MLLT6: variants seen among roughly 807,000 people sequenced by gnomAD.
MLLT6 encodes MLLT6, PHD finger containing, also known as protein AF-17.
A neutral mutation model predicts 103.0 loss-of-function variants in MLLT6; 22 were observed. The observed-to-expected ratio is 0.21, with a 90% confidence interval of 0.15 to 0.31. The LOEUF is 0.31. MLLT6 is among the 10% of genes least tolerant of loss of function. The pLI is 1.00. For missense variants in MLLT6, 1,199 were observed against 1,441.7 expected (o/e 0.83, Z 2.73); for synonymous variants, 606 against 623.5 (o/e 0.97, Z 0.42).
chr17:38,715,134 G>C (rs1597994312), intron 8 of MLLT6, among the ~76,000 whole-genome samples: 1 of 152,290 alleles, frequency 6.6e-6, no homozygotes, highest in South Asian at 2.1e-4. Context: ...TCAGAGAATG[G>C]GTGGAAAGCC....
In MLLT6 at chr17:38,707,074, C is replaced by T. The variant is rs1555621892; in HGVS notation, c.189+45C>T. 1.5e-5 allele frequency: 23 copies of T among 1,534,896 alleles called. No homozygotes were observed. The East Asian group carries it at 5.3e-4, about 35-fold the overall frequency. The stretch of plus-strand genomic sequence containing the variant: ...TCTCCACTCCCCTGCCCCTCCCACA[C>T]ACCTGAGCGTCTCAGGTTGAGCTAG... On this transcript the variant is annotated intron_variant, in intron 2 of 19. Coordinates refer to ENST00000621332, the MANE Select transcript of MLLT6 (RefSeq NM_005937.4).
chr17:38,721,948 C>G lies in MLLT6; in HGVS notation c.2513C>G (p.Pro838Arg). The change falls in exon 17 of 20, where the codon CCC becomes CGC. Residue 838 changes from proline to arginine, a missense_variant. Around this residue, in one of 7 missense-constraint regions of MLLT6, gnomAD observed 1,034 missense variants for 1,091.5 expected, o/e 0.95. Transcript: ENST00000621332. ...LSFHSTPPPL[P>R]LLQQSPATLP... ...TTCCACAGCACGCCCCCACCGCTGC[C>G]CCTCCTCCAGCAGAGCCCTGCCACT... 6.5e-7 allele frequency: 1 copy of G among 1,530,482 alleles called. No homozygotes were observed. The highest frequency in any genetic ancestry group is 8.7e-7 in the Non-Finnish European group (1 of 1,144,758). The allele number at this position is 1,530,482 out of a possible 1,614,324, so 94.8% of individuals were successfully genotyped here. A position where few individuals can be genotyped will look rare whatever the true frequency, so the allele number is the denominator to read the frequency against.
Position 38,719,839 on chromosome 17 carries a change from C to A in MLLT6, c.2099C>A (p.Thr700Lys), listed in dbSNP as rs1286456118. The part of the protein sequence containing the change: ...GGQLDPAAPG[T>K]TNMEQLLEKQ... ...CAGTTAGACCCGGCGGCCCCAGGGA[C>A]GACTAACATGGAGCAGCTTCTGGAG... The change falls in exon 14 of 20, where the codon ACG becomes AAG. Residue 700 changes from threonine (T) to lysine (K), a missense_variant. By Grantham distance (78) the Thr-to-Lys change is moderately conservative. Transcript: ENST00000621332. 1 of 1,611,748 alleles carries A rather than the reference C, an allele frequency of 6.2e-7. No individual in the cohort carries two copies. The highest frequency in any genetic ancestry group is 1.1e-5 in the South Asian group (1 of 90,642).
chr17:38,709,627 G>A lies in MLLT6; in HGVS notation c.552+52G>A, dbSNP rs1365650994. ...CGGGTCAGTCAGCTGTGGTAAGATGGTTAGAGGGCATGGGCTCTGGGCCAG... is the reference window on the plus strand; with the variant it reads ...CGGGTCAGTCAGCTGTGGTAAGATGATTAGAGGGCATGGGCTCTGGGCCAG... On this transcript the variant is annotated intron_variant, in intron 6 of 19. Transcript: ENST00000621332. The surrounding 1 kb of genome is among the most constrained non-coding windows in gnomAD (Gnocchi z 4.3). 2.1e-6 allele frequency: 3 copies of A among 1,446,508 alleles called. No homozygotes were observed. Among genetic ancestry groups the A allele is most frequent in the Middle Eastern group, 3.5e-4 (2 of 5,766 alleles). The allele number at this position is 1,446,508 out of a possible 1,614,324, so 89.6% of individuals were successfully genotyped here.
In MLLT6 at chr17:38,709,440, G is replaced by C; in HGVS notation, c.459-42G>C. 1.3e-6 allele frequency: 2 copies of C among 1,561,346 alleles called. No homozygotes were observed. Among genetic ancestry groups the C allele is most frequent in the South Asian group, 2.2e-5 (2 of 90,036 alleles). On this transcript the variant is annotated intron_variant, in intron 5 of 19. Transcript: ENST00000621332. The surrounding 1 kb of genome is among the most constrained non-coding windows in gnomAD (Gnocchi z 4.3). ...AGGGTGAGAGGAAGGTGGCTCATGT[G>C]ATCTGTGGCCTCAGCCGTCTCAGGC...
Position 38,720,500 on chromosome 17 carries a change from C to G in MLLT6, c.2284C>G (p.Pro762Ala). 3 of 1,612,590 alleles carry G rather than the reference C, an allele frequency of 1.9e-6. No homozygotes were observed. Among genetic ancestry groups the G allele is most frequent in the Non-Finnish European group, 2.5e-6 (3 of 1,179,786 alleles). The stretch of plus-strand genomic sequence containing the variant: ...CAACGTGCAGCTCTCTGTGCCCTTC[C>G]CTGCCCTGCCTGCTGCCCTGCCTGC... ...ILNVQLSVPF[P>A]ALPAALPAAN... is the part of the protein sequence containing the mutation. Residue 762 changes from proline (P) to alanine (A), a missense_variant, in exon 15 of 20, where the codon CCT (proline) becomes GCT (alanine). By Grantham distance (27) the Pro-to-Ala change is conservative. This residue lies in a region of MLLT6 where 1,034 missense variants were observed against 1,091.5 expected (regional missense o/e 0.95). Coordinates refer to ENST00000621332, the MANE Select transcript of MLLT6 (RefSeq NM_005937.4).
Position 38,724,458 on chromosome 17 carries a change from C to T in MLLT6, c.2884-162C>T. Reference sequence around the variant, plus strand: ...ATTTTCTTGTCTAGATGGGGAGACCCAGGCTAAGTGGGAAATGCGAGACAG... The same window carrying T: ...ATTTTCTTGTCTAGATGGGGAGACCTAGGCTAAGTGGGAAATGCGAGACAG... On this transcript the variant is annotated intron_variant, in intron 18 of 19. Transcript: ENST00000621332. The surrounding 1 kb of genome is among the most constrained non-coding windows in gnomAD (Gnocchi z 5.4). 1 of 574,070 alleles carries T rather than the reference C, an allele frequency of 1.7e-6. No homozygotes were observed. The highest frequency in any genetic ancestry group is 3.4e-5 in the Admixed American group (1 of 29,032). The allele number at this position is 574,070 out of a possible 1,614,324, so 35.6% of individuals were successfully genotyped here. A position where few individuals can be genotyped will look rare whatever the true frequency, so the allele number is the denominator to read the frequency against.
At position 38,721,980 on chromosome 17, in the gene MLLT6, C is replaced by G. The variant is rs1905775245; in HGVS notation, c.2545C>G (p.Leu849Val). The change falls in exon 17 of 20, where the codon CTG (leucine) becomes GTG (valine). Residue 849 changes from leucine (L) to valine (V), a missense_variant. Leu to Val is a conservative substitution (Grantham distance 32). Coordinates refer to ENST00000621332, the MANE Select transcript of MLLT6 (RefSeq NM_005937.4). ...CCAGCAGAGCCCTGCCACTCTGCCC[C>G]TGGCCCTGCCTGGGGCCCCTGCCCC... ...LLQQSPATLP[L>V]ALPGAPAPLP... is the part of the protein sequence containing the mutation. 2.0e-6 allele frequency: 3 copies of G among 1,497,280 alleles called. No homozygotes were observed. Among genetic ancestry groups the G allele is most frequent in the Non-Finnish European group, 2.7e-6 (3 of 1,123,896 alleles). 92.7% of individuals were successfully genotyped at this position (1,497,280 alleles called of 1,614,324 possible). A position where few individuals can be genotyped will look rare whatever the true frequency, so the allele number is the denominator to read the frequency against.
At chr17:38,717,998 G>A (rs1304453709) in intron 12 of MLLT6, 45 bp downstream of exon 12, 3 of 1,373,480 alleles carry the variant, frequency 2.2e-6, no homozygotes, top group South Asian at 1.2e-5. Flanking sequence ...CCCAAAGGTC[G>A]GACACCCATC....
At position 38,719,581 on chromosome 17, in the gene MLLT6, C is replaced by A. The variant is rs761417197; in HGVS notation, c.2007C>A (p.Ser669=). The A allele has an allele frequency of 6.2e-7, 1 of 1,606,724 alleles. No individual in the cohort carries two copies. Among genetic ancestry groups the A allele is most frequent in the East Asian group, 2.2e-5 (1 of 44,742 alleles). ...RGTSPQESLS[S]MSPISSLPAL... ...CCTCCCCTCAGGAGAGTCTGTCTTC[C>A]ATGTGAGGGAAGGGGCAGCCTGGAG... Residue 669 remains serine (S), a splice_region_variant and synonymous_variant, in exon 13 of 20, where the codon TCC becomes TCA. Transcript: ENST00000621332.
At position 38,721,977 on chromosome 17, in the gene MLLT6, C is replaced by A. The variant is rs1415549200; in HGVS notation, c.2542C>A (p.Pro848Thr). ...PLLQQSPATLPLALPGAPAPL... is the reference protein window; with the variant it reads ...PLLQQSPATLTLALPGAPAPL... ...CCTCCAGCAGAGCCCTGCCACTCTG[C>A]CCCTGGCCCTGCCTGGGGCCCCTGC... The change falls in exon 17 of 20, where the codon CCC (proline) becomes ACC (threonine). Residue 848 changes from proline (P) to threonine (T), a missense_variant. This residue lies in a region of MLLT6 where 1,034 missense variants were observed against 1,091.5 expected (regional missense o/e 0.95). Coordinates refer to ENST00000621332, the MANE Select transcript of MLLT6 (RefSeq NM_005937.4). 5 of 1,500,854 alleles carry A rather than the reference C, an allele frequency of 3.3e-6. No individual in the cohort carries two copies. In the Admixed American group the frequency reaches 6.1e-5, roughly 18 times the overall value. The allele number at this position is 1,500,854 out of a possible 1,614,324, so 93.0% of individuals were successfully genotyped here. A position where few individuals can be genotyped will look rare whatever the true frequency, so the allele number is the denominator to read the frequency against.
chr17:38,715,952 G>A (rs1200385130), intron 9 of MLLT6, 124 bp downstream of exon 9: 4 of 884,408 alleles, frequency 4.5e-6, no homozygotes, highest in South Asian at 1.7e-5. Context: ...TCAGGATAAA[G>A]ATGGGGAATC....
In MLLT6 at chr17:38,709,249, G is replaced by C. The variant is rs1163559499; in HGVS notation, c.431G>C (p.Gly144Ala). The C allele has an allele frequency of 6.2e-7, 1 of 1,613,918 alleles. No individual in the cohort carries two copies. Among genetic ancestry groups the C allele is most frequent in the East Asian group, 2.2e-5 (1 of 44,882 alleles). ...GCCTGCATGACCTGTAACCGCCATG[G>C]ATGTCGACAAGCTTTCCACGTCACC... ...SGACMTCNRH[G>A]CRQAFHVTCA... The change falls in exon 5 of 20, where the codon GGA becomes GCA. Residue 144 changes from glycine to alanine, a missense_variant. Gly to Ala is a moderately conservative substitution (Grantham distance 60). Around this residue, in one of 7 missense-constraint regions of MLLT6, gnomAD observed 59 missense variants for 135.1 expected, o/e 0.44. Coordinates refer to ENST00000621332, the MANE Select transcript of MLLT6 (RefSeq NM_005937.4). The surrounding 1 kb of genome is among the most constrained non-coding windows in gnomAD (Gnocchi z 4.3).
At position 38,720,555 on chromosome 17, in the gene MLLT6, G is replaced by C. The variant is rs1471904002; in HGVS notation, c.2339G>C (p.Gly780Ala). 1 of 1,612,092 alleles carries C rather than the reference G, an allele frequency of 6.2e-7. No individual in the cohort carries two copies. The highest frequency in any genetic ancestry group is 1.1e-5 in the South Asian group (1 of 90,988). The change falls in exon 15 of 20, where the codon GGC (glycine) becomes GCC (alanine). Residue 780 changes from glycine to alanine, a missense_variant. Physicochemically the swap from Gly to Ala is moderately conservative, Grantham distance 60. This residue lies in a region of MLLT6 where 1,034 missense variants were observed against 1,091.5 expected (regional missense o/e 0.95). Transcript: ENST00000621332. ...AACGGCCCTGTCCCTGGGCCCTATG[G>C]CCTGCCTCCCCAAGGTGAGGGGATC... ...AANGPVPGPYGLPPQAGSSDS... is the reference protein window; with the variant it reads ...AANGPVPGPYALPPQAGSSDS...
At chr17:38,718,715 C>T (rs1905494714) in intron 12 of MLLT6, 1 of 152,158 alleles carries the variant, frequency 6.6e-6, no homozygotes, top group African/African-American at 2.4e-5. Context: ...TCAGCGCTTA[C>T]GGAGGTCTCA....
At chr17:38,722,534 G>C in intron 17 of MLLT6, 144 bp from the exon 18 acceptor site, 1 of 643,474 alleles carries the variant, frequency 1.6e-6, no homozygotes, top group Non-Finnish European at 2.8e-6. Flanking sequence ...CTATGAGCAC[G>C]GTGCTCTAAG....
Position 38,712,033 on chromosome 17 carries a change from C to T in MLLT6, c.720+19C>T, listed in dbSNP as rs755684902. 2 of 1,532,612 alleles carry T rather than the reference C, an allele frequency of 1.3e-6. No homozygotes were observed. The highest frequency in any genetic ancestry group is 4.1e-5 in the Admixed American group (2 of 48,934). 94.9% of individuals were successfully genotyped at this position (1,532,612 alleles called of 1,614,324 possible). On this transcript the variant is annotated intron_variant, in intron 7 of 19. Transcript: ENST00000621332. ...GAAGAAGGTAGAAGTCCTCCCCCAC[C>T]TGCCATCACTCCCACACGGGGACTT... is the stretch of plus-strand genomic sequence containing the variant.
rs1262758602 is a variant in MLLT6, at chr17:38,728,190, A to C, written c.*2592A>C. On this transcript the variant is annotated 3_prime_UTR_variant, in exon 20 of 20. Coordinates refer to ENST00000621332, the MANE Select transcript of MLLT6 (RefSeq NM_005937.4). ...GCCCTCTTCTCCTCTTCCCCCCCAC[A>C]TCTCTCATGAGAGAGGTAGTGGCAT... 4.3e-6 allele frequency: 1 copy of C among 233,096 alleles called. No homozygotes were observed. Among genetic ancestry groups the C allele is most frequent in the African/African-American group, 2.2e-5 (1 of 45,296 alleles). The allele number at this position is 233,096 out of a possible 1,614,324, so 14.4% of individuals were successfully genotyped here.
rs1336933596 is a variant in MLLT6, at chr17:38,724,690, T to C, written c.2954T>C (p.Met985Thr). 1.9e-6 allele frequency: 3 copies of C among 1,613,046 alleles called. No individual in the cohort carries two copies. Among genetic ancestry groups the C allele is most frequent in the Non-Finnish European group, 2.5e-6 (3 of 1,179,742 alleles). ...AAACGGGAGCTGCAGCGCCTGCAGATGGCTGGGGGCTCCCAGCTGCCCATG... is the reference window on the plus strand; with the variant it reads ...AAACGGGAGCTGCAGCGCCTGCAGACGGCTGGGGGCTCCCAGCTGCCCATG... The part of the protein sequence containing the change: ...QQKRELQRLQ[M>T]AGGSQLPMAS... Residue 985 changes from methionine (M) to threonine (T), a missense_variant, in exon 19 of 20, where the codon ATG becomes ACG. Physicochemically the swap from Met to Thr is moderately conservative, Grantham distance 81. Transcript: ENST00000621332. The surrounding 1 kb of genome is among the most constrained non-coding windows in gnomAD (Gnocchi z 5.4).
Sources: allele counts gnomAD v4.1 joint callset (sites outside exome capture counted in the v4.1 genomes callset), GRCh38; gene constraint gnomAD v4.1.1; regional missense constraint gnomAD v4.1.1; non-coding constraint Gnocchi (gnomAD v3.1); transcripts MANE v1.5; gene names NCBI Gene and HGNC (gene_info 2026-07-23, HGNC 2026-07-21).